Variants in TSC2 observed in about 807,000 individuals in gnomAD.
TSC2 encodes tuberin.
A neutral mutation model predicts 202.2 loss-of-function variants in TSC2; 29 were observed. That is an observed-to-expected ratio of 0.14 (90% CI 0.11 to 0.20). The LOEUF is 0.20. TSC2 is among the 10% of genes least tolerant of loss of function. TSC2 has a pLI of 1.00. For missense variants in TSC2, 2,429 were observed against 2,420.0 expected (o/e 1.00, Z -0.08); for synonymous variants, 1,349 against 1,044.0 (o/e 1.29, Z -5.63).
At position 2,065,605 on chromosome 16, in the gene TSC2, A is replaced by T. The variant is rs755900760; in HGVS notation, c.1686A>T (p.Thr562=). The T allele has an allele frequency of 2.5e-6, 4 of 1,613,802 alleles. No individual in the cohort carries two copies. Among genetic ancestry groups the T allele is most frequent in the Non-Finnish European group, 3.4e-6 (4 of 1,179,988 alleles). Residue 562 remains threonine, a synonymous_variant, in exon 16 of 42, where the codon ACA becomes ACT. Transcript: ENST00000219476. ...AYSASLEDVK[T]AVLGLLVILQ... ...CGGCCTCCTTGGAGGATGTGAAGAC[A>T]GCCGTCCTGGGGCTTCTGGTCATCC...
At chr16:2,087,183 C>T (rs983881980) in intron 38 of TSC2, 22 of 454,990 alleles carry the variant, frequency 4.8e-5, no homozygotes, top group Non-Finnish European at 7.8e-5. Context: ...CCACCATCTC[C>T]CCAGTGGCAG....
At chr16:2,074,502 T>C (rs957904992) in intron 22 of TSC2, 113 bp downstream of exon 22, 1 of 1,343,426 alleles carries the variant, frequency 7.4e-7, no homozygotes, top group Non-Finnish European at 1.0e-6. Context: ...GTGTCTCGCC[T>C]TCTGCTGCCT....
intron 32 of TSC2, 49 bp downstream of exon 32, chr16:2,082,553 T>C: frequency 6.3e-7 from 1 of 1,585,798 alleles, no homozygotes; most frequent in Non-Finnish European, 8.6e-7. Flanking sequence ...CCACTCTGCC[T>C]CATAGGTGCT....
intron 15 of TSC2, chr16:2,064,833 GC>G (rs1472901965): frequency 9.6e-6 from 3 of 311,502 alleles, no homozygotes; most frequent in Admixed American, 4.6e-5. Flanking sequence ...AAAGATGAAG[GC>G]CGGGCACAGT....
chr16:2,048,628 A>G lies in TSC2; in HGVS notation c.13A>G (p.Thr5Ala), dbSNP rs45517093. ...GTCCTGGTCCACCATGGCCAAACCA[A>G]CAAGCAAAGATTCAGGCTTGAAGGA... is the stretch of plus-strand genomic sequence containing the variant. MAKP[T>A]SKDSGLKEKF... Residue 5 changes from threonine (T) to alanine (A), a missense_variant, in exon 2 of 42, where the codon ACA (threonine) becomes GCA (alanine). By Grantham distance (58) the Thr-to-Ala change is moderately conservative. Coordinates refer to ENST00000219476, the MANE Select transcript of TSC2 (RefSeq NM_000548.5). The G allele has an allele frequency of 2.5e-6, 4 of 1,613,792 alleles. No individual in the cohort carries two copies. Among genetic ancestry groups the G allele is most frequent in the African/African-American group, 1.3e-5 (1 of 74,902 alleles).
chr16:2,056,750 T>G lies in TSC2; in HGVS notation c.755T>G (p.Leu252Arg). 1 of 1,610,492 alleles carries G rather than the reference T, an allele frequency of 6.2e-7. No individual in the cohort carries two copies. The highest frequency in any genetic ancestry group is 8.5e-7 in the Non-Finnish European group (1 of 1,180,006). ...TLCRTINVKELCEPCWKLMRN... is the reference protein window; with the variant it reads ...TLCRTINVKERCEPCWKLMRN... ...TGTCGCACCATCAACGTCAAGGAGC[T>G]CTGCGAGCCTTGCTGGAAGGTGGGG... is the stretch of plus-strand genomic sequence containing the variant. The change falls in exon 8 of 42, where the codon CTC (leucine) becomes CGC (arginine). Residue 252 changes from leucine (L) to arginine (R), a missense_variant. Transcript: ENST00000219476.
rs138449140 is a variant in TSC2 at position 2,078,069 on chromosome 16, C to T, written c.2966+343C>T. Among the ~76,000 whole-genome samples, 157 of 152,310 alleles carry T rather than the reference C, an allele frequency of 1.0e-3. 1 individual carries two copies. The highest frequency in any genetic ancestry group is 3.5e-3 in the African/African-American group (144 of 41,564). On this transcript the variant is annotated intron_variant, in intron 26 of 41. Coordinates refer to ENST00000219476, the MANE Select transcript of TSC2 (RefSeq NM_000548.5). Reference sequence around the variant, plus strand: ...GCCTTTTCGTATTCTCTAGAATGGACGTTTTTCTTCGGGCTTTCTTCTCAA... The same window carrying T: ...GCCTTTTCGTATTCTCTAGAATGGATGTTTTTCTTCGGGCTTTCTTCTCAA...
At position 2,079,408 on chromosome 16, in the gene TSC2, G is replaced by A. The variant is rs920434484; in HGVS notation, c.3264G>A (p.Leu1088=). 5 of 1,612,750 alleles carry A rather than the reference G, an allele frequency of 3.1e-6. No homozygotes were observed. The highest frequency in any genetic ancestry group is 1.3e-5 in the African/African-American group (1 of 75,052). Residue 1088 remains leucine, a synonymous_variant, in exon 28 of 42, where the codon CTG becomes CTA. Transcript: ENST00000219476. The surrounding 1 kb of genome is among the most constrained non-coding windows in gnomAD (Gnocchi z 4.6). ...TACTAGGCCTGGACTCGGGGGAGCT[G>A]CAGTCCGGCCCGGAGTCGAGGTGAC... The part of the protein sequence containing the change: ...RSLLGLDSGE[L]QSGPESSSSP...
intron 15 of TSC2, chr16:2,064,828 T>C (rs964348403): frequency 3.8e-5 from 12 of 317,710 alleles, no homozygotes; most frequent in Non-Finnish European, 7.3e-5. Flanking sequence ...GCAATAAAGA[T>C]GAAGGCCGGG....
In TSC2 at chr16:2,080,282, G is replaced by A. The variant is rs1567504268; in HGVS notation, c.3515G>A (p.Gly1172Asp). Residue 1172 changes from glycine (G) to aspartate (D), a missense_variant, in exon 30 of 42, where the codon GGC becomes GAC. Gly to Asp is a moderately conservative substitution (Grantham distance 94). Coordinates refer to ENST00000219476, the MANE Select transcript of TSC2 (RefSeq NM_000548.5). The part of the protein sequence containing the change: ...PAAKPEKASA[G>D]TRVPVQEKTN... ...GCGAAACCTGAGAAGGCCTCAGCTG[G>A]CACCCGGGTTCCTGTGCAGGAGAAG... The A allele has an allele frequency of 6.2e-7, 1 of 1,612,956 alleles. No individual in the cohort carries two copies. The highest frequency in any genetic ancestry group is 1.7e-5 in the Admixed American group (1 of 60,018).
rs2087240694 is a variant in TSC2 at position 2,065,618 on chromosome 16, C to T, written c.1699C>T (p.Leu567Phe). Residue 567 changes from leucine (L) to phenylalanine (F), a missense_variant, in exon 16 of 42, where the codon CTT (leucine) becomes TTT (phenylalanine). Leu to Phe is a conservative substitution (Grantham distance 22, BLOSUM62 0). Coordinates refer to ENST00000219476, the MANE Select transcript of TSC2 (RefSeq NM_000548.5). The part of the protein sequence containing the change: ...LEDVKTAVLG[L>F]LVILQTKLYT... ...GGATGTGAAGACAGCCGTCCTGGGG[C>T]TTCTGGTCATCCTTCAGGTGGGTGT... The T allele has an allele frequency of 1.2e-6, 2 of 1,613,648 alleles. No homozygotes were observed. The highest frequency in any genetic ancestry group is 1.7e-6 in the Non-Finnish European group (2 of 1,179,958).
Position 2,088,705 on chromosome 16 carries a change from A to G in TSC2, c.*95A>G, listed in dbSNP as rs2091241552. On this transcript the variant is annotated 3_prime_UTR_variant, in exon 42 of 42. Transcript: ENST00000219476. ...CCCCAGTGCACAGACATAGAGGCAC[A>G]GATTGCAGTCAGACAGCTCTTTTAT... 1 of 1,466,462 alleles carries G rather than the reference A, an allele frequency of 6.8e-7. No homozygotes were observed. The allele number at this position is 1,466,462 out of a possible 1,614,324, so 90.8% of individuals were successfully genotyped here.
intron 16 of TSC2, among the ~76,000 whole-genome samples, chr16:2,069,535 A>G (rs1430435455): frequency 1.3e-5 from 2 of 149,042 alleles, no homozygotes; most frequent in South Asian, 2.1e-4. Context: ...GCTGGAGTGC[A>G]GTGGCACGAT....
intron 35 of TSC2, 88 bp downstream of exon 35, chr16:2,085,114 G>A (rs1465660655): frequency 8.1e-6 from 13 of 1,603,056 alleles, no homozygotes; most frequent in Non-Finnish European, 2.6e-6. Context: ...TGGGAGCTCA[G>A]GCTTGCAGAG....
intron 1 of TSC2, chr16:2,048,373 G>T (rs1356291302): frequency 1.2e-6 from 1 of 854,862 alleles, no homozygotes; most frequent in Non-Finnish European, 1.9e-6. Context: ...CGTCTGAGTA[G>T]AGAGCTCTCT....
At chr16:2,048,838 A>T (rs2084706114) in intron 2 of TSC2, 85 bp downstream of exon 2, 1 of 1,593,348 alleles carries the variant, frequency 6.3e-7, no homozygotes, top group Admixed American at 1.7e-5. Flanking sequence ...TCTGTGGGAG[A>T]CGGGTTGCTG....
chr16:2,048,085 G>A lies in TSC2; in HGVS notation c.-30+20G>A, dbSNP rs2084570693. 1.4e-6 allele frequency: 2 copies of A among 1,433,918 alleles called. No homozygotes were observed. The highest frequency in any genetic ancestry group is 2.7e-5 in the East Asian group (1 of 36,750). The allele number at this position is 1,433,918 out of a possible 1,614,324, so 88.8% of individuals were successfully genotyped here. Reference sequence around the variant, plus strand: ...CGCGGGGTAAGTGGCGGTCCCCACGGGGCAAGTGGCGGTCCCCACGGGGCA... The same window carrying A: ...CGCGGGGTAAGTGGCGGTCCCCACGAGGCAAGTGGCGGTCCCCACGGGGCA... On this transcript the variant is annotated intron_variant, in intron 1 of 41. Transcript: ENST00000219476.
rs772807006 is a variant in TSC2 at position 2,085,336 on chromosome 16, G to C, written c.4662+14G>C. On this transcript the variant is annotated intron_variant, in intron 36 of 41. Coordinates refer to ENST00000219476, the MANE Select transcript of TSC2 (RefSeq NM_000548.5). Reference sequence around the variant, plus strand: ...GGAGAAGGCCAGGTGAGGCTGCGGGGCCGGCCTAGGTGCCTGGACAGGGCC... The same window carrying C: ...GGAGAAGGCCAGGTGAGGCTGCGGGCCCGGCCTAGGTGCCTGGACAGGGCC... 1 of 1,612,382 alleles carries C rather than the reference G, an allele frequency of 6.2e-7. No homozygotes were observed. The highest frequency in any genetic ancestry group is 8.5e-7 in the Non-Finnish European group (1 of 1,179,852).
rs531724951 is a variant in TSC2, at chr16:2,072,929, T to G, written c.2301T>G (p.Val767=). Residue 767 remains valine (V), a synonymous_variant, in exon 21 of 42, where the codon GTT becomes GTG. Coordinates refer to ENST00000219476, the MANE Select transcript of TSC2 (RefSeq NM_000548.5). Reference sequence around the variant, plus strand: ...GAACTGACTTGCACCTGGCCGTGGTTCCAGTGCTGACAGCATTAATCTCTT... The same window carrying G: ...GAACTGACTTGCACCTGGCCGTGGTGCCAGTGCTGACAGCATTAATCTCTT... The part of the protein sequence containing the change: ...FSRTDLHLAV[V]PVLTALISYH... 1.9e-6 allele frequency: 3 copies of G among 1,613,650 alleles called. No homozygotes were observed. The highest frequency in any genetic ancestry group is 2.5e-6 in the Non-Finnish European group (3 of 1,180,042).
Sources: allele counts gnomAD v4.1 joint callset (sites outside exome capture counted in the v4.1 genomes callset), GRCh38; gene constraint gnomAD v4.1.1; non-coding constraint Gnocchi (gnomAD v3.1); transcripts MANE v1.5; gene names NCBI Gene and HGNC (gene_info 2026-07-23, HGNC 2026-07-21).